The following ZEB1 variants were observed in gnomAD, a reference collection of about 807,000 sequenced individuals.
ZEB1 encodes zinc finger E-box-binding homeobox 1.
In ZEB1, 21 loss-of-function variants were observed where a neutral mutation model predicts 84.9. That is an observed-to-expected ratio of 0.25 (90% CI 0.18 to 0.36). The LOEUF (loss-of-function observed/expected upper bound fraction) is 0.36, where lower values mean the gene tolerates loss of function less well. ZEB1 is among the 10% of genes least tolerant of loss of function. The pLI, the probability that ZEB1 is intolerant of heterozygous loss-of-function variation, is 1.00. For missense variants in ZEB1, 1,104 were observed against 1,330.2 expected (o/e 0.83, Z 2.65); for synonymous variants, 420 against 471.1 (o/e 0.89, Z 1.41).
chr10:31,482,246 C>A (rs1432419424), intron 2 of ZEB1, among the ~76,000 whole-genome samples: 2 of 151,982 alleles, frequency 1.3e-5, no homozygotes, highest in Non-Finnish European at 2.9e-5. Context: ...AATACATCAC[C>A]TCAATCTAAT....
At chr10:31,413,461 A>G (rs978799681) in intron 1 of ZEB1, among the ~76,000 whole-genome samples, 3 of 152,216 alleles carry the variant, frequency 2.0e-5, no homozygotes, top group African/African-American at 7.2e-5. Context: ...GGAATGTGTC[A>G]TTGCAGATAG....
intron 1 of ZEB1, among the ~76,000 whole-genome samples, chr10:31,413,595 A>T (rs538538642): frequency 6.6e-6 from 1 of 151,144 alleles, no homozygotes; most frequent in Admixed American, 6.6e-5. Context: ...CAGATATGAA[A>T]GATAAGGAGT....
intron 1 of ZEB1, among the ~76,000 whole-genome samples, chr10:31,449,070 G>A (rs998494772): frequency 3.4e-4 from 52 of 152,350 alleles, no homozygotes; most frequent in African/African-American, 1.1e-3. Flanking sequence ...GCGAGACTCC[G>A]TGGGCGTAGG....
intron 3 of ZEB1, among the ~76,000 whole-genome samples, chr10:31,499,744 G>A (rs182037120): frequency 7.9e-5 from 12 of 151,708 alleles, no homozygotes; most frequent in Admixed American, 6.6e-4. Flanking sequence ...CAACCTGGGC[G>A]ACAAGAGCGA....
chr10:31,463,188 A>T (rs1045185485), intron 2 of ZEB1, among the ~76,000 whole-genome samples: 1 of 152,144 alleles, frequency 6.6e-6, no homozygotes, highest in African/African-American at 2.4e-5. Context: ...TGGGGAAAAA[A>T]GGGGGCAATA....
chr10:31,514,655 G>C lies in ZEB1; in HGVS notation c.740G>C (p.Gly247Ala), dbSNP rs1266824931. Residue 247 changes from glycine to alanine, a missense_variant, in exon 6 of 9, where the codon GGA (glycine) becomes GCA (alanine). Around this residue, in one of 7 missense-constraint regions of ZEB1, gnomAD observed 71 missense variants for 119.1 expected, o/e 0.60. Coordinates refer to ENST00000424869, the MANE Select transcript of ZEB1 (RefSeq NM_001174096.2). ...CGTAAATTCAAATGCACTGAGTGTG[G>C]AAAAGCTTTCAAATACAAACATCAC... ...CNRKFKCTECGKAFKYKHHLK... is the reference protein window; with the variant it reads ...CNRKFKCTECAKAFKYKHHLK... 6.2e-7 allele frequency: 1 copy of C among 1,612,646 alleles called. No homozygotes were observed. Among genetic ancestry groups the C allele is most frequent in the Admixed American group, 1.7e-5 (1 of 59,958 alleles).
chr10:31,387,382 C>A, intron 1 of ZEB1: 2 of 872,220 alleles, frequency 2.3e-6, no homozygotes, highest in Non-Finnish European at 1.4e-6. Context: ...AAGGGAGGCC[C>A]TACCTGTGGG....
chr10:31,337,076 G>T (rs149390569), intron 1 of ZEB1, among the ~76,000 whole-genome samples: 1 of 152,154 alleles, frequency 6.6e-6, no homozygotes, highest in Admixed American at 6.5e-5. Flanking sequence ...GTAAATTGTA[G>T]TATATTTATA....
At position 31,520,465 on chromosome 10, in the gene ZEB1, G is replaced by A. The variant is rs747913512; in HGVS notation, c.1133G>A (p.Gly378Asp). The A allele has an allele frequency of 5.0e-6, 8 of 1,614,000 alleles. No individual in the cohort carries two copies. Among genetic ancestry groups the A allele is most frequent in the Non-Finnish European group, 6.8e-6 (8 of 1,179,946 alleles). ...STPLQNGVFT[G>D]GGPLQATSSP... ...CCTTTACAAAATGGGGTTTTCACTG[G>A]TGGTGGCCCATTACAGGCAACCAGT... The change falls in exon 7 of 9, where the codon GGT (glycine) becomes GAT (aspartate). Residue 378 changes from glycine to aspartate, a missense_variant. Physicochemically the swap from Gly to Asp is moderately conservative, Grantham distance 94. Coordinates refer to ENST00000424869, the MANE Select transcript of ZEB1 (RefSeq NM_001174096.2). This position sits in a 1 kb window ranked among gnomAD's most constrained non-coding sequence, Gnocchi z 5.1.
chr10:31,457,205 G>A (rs575976284), intron 1 of ZEB1, among the ~76,000 whole-genome samples: 3 of 152,234 alleles, frequency 2.0e-5, no homozygotes, highest in South Asian at 4.1e-4. Flanking sequence ...CAGGGGTATA[G>A]AGATCATTGG....
At chr10:31,383,492 T>A (rs1028896841) in intron 1 of ZEB1, among the ~76,000 whole-genome samples, 1 of 152,180 alleles carries the variant, frequency 6.6e-6, no homozygotes, top group Non-Finnish European at 1.5e-5. Flanking sequence ...TGGAAAGTGA[T>A]AGTCATAATT....
chr10:31,332,248 T>A (rs557615708), intron 1 of ZEB1, among the ~76,000 whole-genome samples: 1 of 152,316 alleles, frequency 6.6e-6, no homozygotes, highest in East Asian at 1.9e-4. Flanking sequence ...TTATAGTGGC[T>A]GGTATCTGTG....
intron 1 of ZEB1, among the ~76,000 whole-genome samples, chr10:31,320,915 T>C (rs898695520): frequency 6.6e-6 from 1 of 152,180 alleles, no homozygotes; most frequent in Admixed American, 6.5e-5. Context: ...GCAACGGCCC[T>C]GCCGCCGGCC....
intron 1 of ZEB1, among the ~76,000 whole-genome samples, chr10:31,412,062 C>G (rs182131707): frequency 1.3e-5 from 2 of 152,070 alleles, no homozygotes; most frequent in African/African-American, 4.8e-5. Flanking sequence ...AAAAAGGATG[C>G]AGAGAAATAT....
chr10:31,452,104 A>G (rs577148248), intron 1 of ZEB1, among the ~76,000 whole-genome samples: 19 of 152,190 alleles, frequency 1.2e-4, no homozygotes, highest in Non-Finnish European at 2.2e-4. Flanking sequence ...TTGAAAATAT[A>G]AAAAGAGTTT....
intron 1 of ZEB1, among the ~76,000 whole-genome samples, chr10:31,371,400 C>T (rs879567623): frequency 6.6e-6 from 1 of 152,142 alleles, no homozygotes; most frequent in Non-Finnish European, 1.5e-5. Flanking sequence ...CTTTGGTCTT[C>T]TCCCAGAGTG....
chr10:31,477,951 G>T (rs987596013), intron 2 of ZEB1, among the ~76,000 whole-genome samples: 6 of 151,922 alleles, frequency 3.9e-5, no homozygotes, highest in African/African-American at 1.4e-4. Context: ...CATTGGCTTA[G>T]GCAAAGAATT....
intron 1 of ZEB1, among the ~76,000 whole-genome samples, chr10:31,453,867 C>A (rs538110862): frequency 1.3e-5 from 2 of 152,214 alleles, no homozygotes; most frequent in South Asian, 4.1e-4. Flanking sequence ...TGAAACTATT[C>A]CAAATAATAG....
At chr10:31,490,745 T>G (rs1367212342) in intron 2 of ZEB1, among the ~76,000 whole-genome samples, 1 of 151,774 alleles carries the variant, frequency 6.6e-6, no homozygotes, top group East Asian at 1.9e-4. Context: ...TGCCAAGTAA[T>G]TTGAGATTAT....
Sources: allele counts gnomAD v4.1 joint callset (sites outside exome capture counted in the v4.1 genomes callset), GRCh38; gene constraint gnomAD v4.1.1; regional missense constraint gnomAD v4.1.1; non-coding constraint Gnocchi (gnomAD v3.1); transcripts MANE v1.5; gene names NCBI Gene and HGNC (gene_info 2026-07-23, HGNC 2026-07-21).